AP3B2: variants seen among roughly 807,000 people sequenced by gnomAD.
The protein encoded by AP3B2 is adaptor related protein complex 3 subunit beta 2.
In AP3B2, 50 loss-of-function variants were observed where a neutral mutation model predicts 126.9. The ratio of observed to expected loss-of-function variants is 0.39; its 90% CI spans 0.31 to 0.50. AP3B2 has a LOEUF of 0.50. AP3B2 is among the 20% of genes least tolerant of loss of function. AP3B2 has a pLI of 0.79. For missense variants in AP3B2, 1,177 were observed against 1,426.4 expected (o/e 0.83, Z 2.82); for synonymous variants, 541 against 565.0 (o/e 0.96, Z 0.60).
intron 1 of AP3B2, among the ~76,000 whole-genome samples, chr15:82,707,818 C>G (rs1486397626): frequency 6.6e-6 from 1 of 152,104 alleles, no homozygotes; most frequent in Admixed American, 6.6e-5. Flanking sequence ...CTAACAACCC[C>G]ACAATATCAT....
In AP3B2 at chr15:82,663,934, T is replaced by C. The variant is rs1014349034; in HGVS notation, c.2303A>G (p.Lys768Arg). The C allele has an allele frequency of 3.1e-6, 5 of 1,609,460 alleles. No homozygotes were observed. In the African/African-American group the frequency reaches 5.3e-5, roughly 17 times the overall value. ...CGCTTCTCCTTTTCTCTCTGGCACCTTCTTCTTTGTCTTCCTCTTACCATC... is the reference window on the plus strand; with the variant it reads ...CGCTTCTCCTTTTCTCTCTGGCACCCTCTTCTTTGTCTTCCTCTTACCATC... ...EEDGKRKTKK[K>R]VPERKGEASS... The change falls in exon 20 of 27, where the codon AAG (lysine) becomes AGG (arginine). Residue 768 changes from lysine to arginine, a missense_variant. Lys to Arg is a conservative substitution (Grantham distance 26, BLOSUM62 2). Around this residue, in one of 5 missense-constraint regions of AP3B2, gnomAD observed 587 missense variants for 571.3 expected, o/e 1.03. Transcript: ENST00000535359.
At chr15:82,705,058 C>T (rs1422164234) in intron 1 of AP3B2, among the ~76,000 whole-genome samples, 2 of 152,138 alleles carry the variant, frequency 1.3e-5, no homozygotes, top group East Asian at 3.9e-4. Flanking sequence ...TCCTAGGCTA[C>T]AGCCACACCT....
chr15:82,663,531 C>CAAA, intron 21 of AP3B2, 29 bp downstream of exon 21: 1 of 1,610,642 alleles, frequency 6.2e-7, no homozygotes, highest in South Asian at 1.1e-5. Context: ...GGCCTCCTTT[C>CAAA]CCCTGTGACT....
chr15:82,666,015 G>A (rs1398815400), intron 15 of AP3B2, among the ~76,000 whole-genome samples: 1 of 152,178 alleles, frequency 6.6e-6, no homozygotes, highest in Non-Finnish European at 1.5e-5. Context: ...GGGGAGAAAG[G>A]GACTGTTGCC....
At chr15:82,708,338 A>G (rs904463258) in intron 1 of AP3B2, among the ~76,000 whole-genome samples, 2 of 152,044 alleles carry the variant, frequency 1.3e-5, no homozygotes, top group African/African-American at 4.8e-5. Flanking sequence ...CCTGCACCCA[A>G]GTGATTAAAA....
In AP3B2 at chr15:82,666,901, C is replaced by T; in HGVS notation, c.1698G>A (p.Leu566=). 1 of 1,613,780 alleles carries T rather than the reference C, an allele frequency of 6.2e-7. No individual in the cohort carries two copies. Among genetic ancestry groups the T allele is most frequent in the African/African-American group, 1.3e-5 (1 of 75,044 alleles). ...TATCATAGTTCTGGTCATATTTGGC[C>T]AGACTCAGCACATACTGGGTCAGCA... The part of the protein sequence containing the change: ...TKLLTQYVLS[L]AKYDQNYDIR... Residue 566 remains leucine, a synonymous_variant, in exon 15 of 27, where the codon CTG becomes CTA. Transcript: ENST00000535359.
At position 82,662,799 on chromosome 15, in the gene AP3B2, C is replaced by T. The variant is rs768501423; in HGVS notation, c.2728G>A (p.Val910Met). 1.6e-5 allele frequency: 26 copies of T among 1,613,634 alleles called. No individual in the cohort carries two copies. In the East Asian group the frequency reaches 4.2e-4, roughly 26 times the overall value. ...GAGCTGTTGGAGAAGTGGATGTGCA[C>T]GGACACCATGTGGGGATCCCCGGAG... Reference protein sequence around the residue: ...PFSGDPHMVSVHIHFSNSSDT... With the variant: ...PFSGDPHMVSMHIHFSNSSDT... Residue 910 changes from valine to methionine, a missense_variant, in exon 23 of 27, where the codon GTG becomes ATG. Around this residue, in one of 5 missense-constraint regions of AP3B2, gnomAD observed 587 missense variants for 571.3 expected, o/e 1.03. Coordinates refer to ENST00000535359, the MANE Select transcript of AP3B2 (RefSeq NM_001278512.2).
intron 4 of AP3B2, among the ~76,000 whole-genome samples, chr15:82,684,839 C>A (rs987583305): frequency 6.6e-6 from 1 of 152,224 alleles, no homozygotes; most frequent in Admixed American, 6.5e-5. Context: ...TTTGCATTCA[C>A]AACTTGGCTA....
In AP3B2 at chr15:82,662,776, G is replaced by A. The variant is rs2047975304; in HGVS notation, c.2751C>T (p.Ser917=). 3.1e-6 allele frequency: 5 copies of A among 1,613,750 alleles called. No individual in the cohort carries two copies. The highest frequency in any genetic ancestry group is 4.2e-6 in the Non-Finnish European group (5 of 1,179,840). Residue 917 remains serine (S), a synonymous_variant, in exon 23 of 27, where the codon AGC becomes AGT. Transcript: ENST00000535359. The part of the protein sequence containing the change: ...MVSVHIHFSN[S]SDTPIKGLHV... ...GCAGGCCCTTGATGGGGGTATCAGA[G>A]CTGTTGGAGAAGTGGATGTGCACGG...
chr15:82,661,967 T>C (rs746291109), intron 24 of AP3B2, 45 bp from the exon 25 acceptor site: 1 of 1,549,358 alleles, frequency 6.5e-7, no homozygotes, highest in Middle Eastern at 1.9e-4. Context: ...GGCTGTCATC[T>C]CTCCCCTCAC....
Position 82,665,403 on chromosome 15 carries a change from A to ACTT in AP3B2, c.1971+53_1971+54insAAG. On this transcript the variant is annotated intron_variant, in intron 16 of 26. Transcript: ENST00000535359. The surrounding 1 kb of genome is among the most constrained non-coding windows in gnomAD (Gnocchi z 4.4). ...CACACACACACACACACACACACAC[A>ACTT]CACACACACACACACACACACACAC... is the stretch of plus-strand genomic sequence containing the variant. 2 of 542,266 alleles carry ACTT rather than the reference A, an allele frequency of 3.7e-6. No individual in the cohort carries two copies. Among genetic ancestry groups the ACTT allele is most frequent in the Non-Finnish European group, 5.5e-6 (2 of 364,016 alleles). The allele number at this position is 542,266 out of a possible 1,614,324, so 33.6% of individuals were successfully genotyped here.
intron 15 of AP3B2, among the ~76,000 whole-genome samples, chr15:82,666,211 C>T (rs2048054967): frequency 1.3e-5 from 2 of 152,206 alleles, no homozygotes; most frequent in Admixed American, 1.3e-4. Flanking sequence ...ACCCTTCCCT[C>T]CCAGGCCCAT....
At chr15:82,682,166 C>T (rs1165602425) in intron 4 of AP3B2, among the ~76,000 whole-genome samples, 1 of 150,726 alleles carries the variant, frequency 6.6e-6, no homozygotes, top group Non-Finnish European at 1.5e-5. Flanking sequence ...ATTCTCCTGC[C>T]TCAGCCTCCC....
At chr15:82,663,254 A>G (rs1415467341) in intron 21 of AP3B2, 21 bp from the exon 22 acceptor site, 2 of 1,582,376 alleles carry the variant, frequency 1.3e-6, no homozygotes, top group South Asian at 2.2e-5. Flanking sequence ...AGATAAGACT[A>G]TGAGGAGGCA....
Position 82,689,248 on chromosome 15 carries a change from A to G in AP3B2, c.190-16T>C, listed in dbSNP as rs750439726. 6.2e-7 allele frequency: 1 copy of G among 1,613,972 alleles called. No homozygotes were observed. Among genetic ancestry groups the G allele is most frequent in the Non-Finnish European group, 8.5e-7 (1 of 1,179,856 alleles). ...GGGCAATCATCTGGGTGGTGGGGTC[A>G]AGGTAGGGGAAGAGGGACAAAGCGA... On this transcript the variant is annotated splice_polypyrimidine_tract_variant and intron_variant, in intron 2 of 26. Transcript: ENST00000535359.
At chr15:82,661,996 G>T in intron 24 of AP3B2, 74 bp from the exon 25 acceptor site, 1 of 1,434,058 alleles carries the variant, frequency 7.0e-7, no homozygotes, top group South Asian at 1.2e-5. Flanking sequence ...CTGTGTAGAG[G>T]CACAGCTTGG....
intron 21 of AP3B2, 50 bp downstream of exon 21, chr15:82,663,510 C>G: frequency 6.3e-7 from 1 of 1,591,344 alleles, no homozygotes; most frequent in East Asian, 2.2e-5. Flanking sequence ...TGTTCTAATT[C>G]ATGCTCCCCA....
Position 82,665,092 on chromosome 15 carries a change from C to T in AP3B2, c.2029-149G>A. 9.6e-7 allele frequency: 1 copy of T among 1,042,682 alleles called. No individual in the cohort carries two copies. Among genetic ancestry groups the T allele is most frequent in the Non-Finnish European group, 1.4e-6 (1 of 706,004 alleles). The allele number at this position is 1,042,682 out of a possible 1,614,324, so 64.6% of individuals were successfully genotyped here. ...ATAACAGAGGAGGAAGAAAGGGGCA[C>T]TGTCCATGGAGGGGAGGGAATGCTG... On this transcript the variant is annotated intron_variant, in intron 17 of 26. Coordinates refer to ENST00000535359, the MANE Select transcript of AP3B2 (RefSeq NM_001278512.2). The surrounding 1 kb of genome is among the most constrained non-coding windows in gnomAD (Gnocchi z 4.4).
At chr15:82,676,701 A>T in intron 13 of AP3B2, 64 bp from the exon 14 acceptor site, 1 of 1,539,886 alleles carries the variant, frequency 6.5e-7, no homozygotes, top group Non-Finnish European at 8.8e-7. Flanking sequence ...AGGATTGTGG[A>T]CTTCCAGGGA....
Sources: gnomAD v4.1 joint callset for allele counts (sites outside exome capture counted in the v4.1 genomes callset) on GRCh38, gnomAD v4.1.1 for gene constraint, gnomAD v4.1.1 regional missense constraint, Gnocchi (gnomAD v3.1) non-coding constraint, MANE v1.5 for transcripts, NCBI Gene and HGNC (gene_info 2026-07-23, HGNC 2026-07-21) for gene names.